Variants in CAB39 observed in about 807,000 individuals in gnomAD.
CAB39 encodes the protein calcium binding protein 39.
In CAB39, 8 loss-of-function variants were observed where a neutral mutation model predicts 40.0. The ratio of observed to expected loss-of-function variants is 0.20; its 90% CI spans 0.12 to 0.36. The LOEUF is 0.36. CAB39 is among the 10% of genes least tolerant of loss of function. CAB39 has a pLI of 1.00. For synonymous variants in CAB39, 156 were observed against 141.6 expected (o/e 1.10, Z -0.72); for missense variants, 270 against 401.1 (o/e 0.67, Z 2.79).
chr2:230,803,058 C>T (rs183777386), intron 5 of CAB39, among the ~76,000 whole-genome samples: 1 of 152,252 alleles, frequency 6.6e-6, no homozygotes, highest in South Asian at 2.1e-4. Context: ...GTATCCACCA[C>T]GATCAAGTGG....
intron 2 of CAB39, chr2:230,778,893 A>G (rs1240994626): frequency 6.6e-6 from 1 of 152,056 alleles, no homozygotes; most frequent in African/African-American, 2.4e-5. Flanking sequence ...TACAGCAAAA[A>G]TATGGTATTG....
At chr2:230,763,455 G>A (rs1033635018) in intron 2 of CAB39, among the ~76,000 whole-genome samples, 5 of 152,066 alleles carry the variant, frequency 3.3e-5, no homozygotes, top group Admixed American at 2.6e-4. Context: ...AGCCAGGCAC[G>A]GTGGCACACG....
intron 1 of CAB39, among the ~76,000 whole-genome samples, chr2:230,748,831 A>AAAAAAATATATATAT (rs1386799920): frequency 3.9e-4 from 11 of 28,506 alleles, no homozygotes; most frequent in Admixed American, 1.3e-3. Context: ...AAAAAAAAAA[A>AAAAAAATATATATAT]ATATATATAT....
At chr2:230,714,949 A>T (rs545731933) in intron 1 of CAB39, among the ~76,000 whole-genome samples, 2 of 152,358 alleles carry the variant, frequency 1.3e-5, no homozygotes, top group African/African-American at 4.8e-5. Context: ...CTGCTTTTCA[A>T]AATAATACAT....
rs1203718115 is a variant in CAB39 at position 230,818,552 on chromosome 2, C to T, written c.874C>T (p.Leu292=). 2 of 1,614,136 alleles carry T rather than the reference C, an allele frequency of 1.2e-6. No individual in the cohort carries two copies. Among genetic ancestry groups the T allele is most frequent in the Admixed American group, 1.7e-5 (1 of 60,018 alleles). ...VANPNKTQPI[L]DILLKNQAKL... ...CAATCCTAACAAGACGCAGCCCATC[C>T]TAGACATCCTCCTCAAGAACCAGGC... The change falls in exon 9 of 9, where the codon CTA becomes TTA. Residue 292 remains leucine (L), a synonymous_variant. Coordinates refer to ENST00000258418, the MANE Select transcript of CAB39 (RefSeq NM_016289.4).
At chr2:230,759,392 C>G (rs1314007149) in intron 1 of CAB39, among the ~76,000 whole-genome samples, 2 of 152,344 alleles carry the variant, frequency 1.3e-5, no homozygotes, top group Middle Eastern at 3.4e-3. Context: ...TTTGGCTAAA[C>G]ACCCTACCTA....
At chr2:230,738,885 ATAGT>A (rs1694830095) in intron 1 of CAB39, among the ~76,000 whole-genome samples, 1 of 152,238 alleles carries the variant, frequency 6.6e-6, no homozygotes, top group South Asian at 2.1e-4. Context: ...TTTTTTCAGA[ATAGT>A]TATTCATTGG....
chr2:230,732,717 T>C lies in CAB39; in HGVS notation c.-44+19487T>C, dbSNP rs75000282. ...GGGAATGAGATCAGTTAGATCAGCC[T>C]GTTCTGATTATTCAGCAATGAGAGC... On this transcript the variant is annotated intron_variant, in intron 1 of 8. Coordinates refer to ENST00000258418, the MANE Select transcript of CAB39 (RefSeq NM_016289.4). Among the ~76,000 whole-genome samples the C allele has an allele frequency of 7.3e-3, 1,110 of 152,308 alleles. 18 individuals are homozygous for C. The highest frequency in any genetic ancestry group is 0.025 in the African/African-American group (1,036 of 41,560).
intron 2 of CAB39, among the ~76,000 whole-genome samples, chr2:230,772,905 G>A (rs931649956): frequency 6.6e-6 from 1 of 150,652 alleles, no homozygotes; most frequent in Non-Finnish European, 1.5e-5. Context: ...TGTTCATAGC[G>A]GCCTTATTTG....
chr2:230,797,359 C>G (rs1696003601), intron 4 of CAB39, among the ~76,000 whole-genome samples: 1 of 152,034 alleles, frequency 6.6e-6, no homozygotes, highest in African/African-American at 2.4e-5. Context: ...TGATTCAACC[C>G]CACAGTCACA....
chr2:230,811,982 A>G (rs77003270), intron 6 of CAB39, among the ~76,000 whole-genome samples: 3,123 of 152,356 alleles, frequency 0.02, 95 homozygotes, highest in African/African-American at 0.071. Flanking sequence ...AAGCAGTCAG[A>G]TCTTATAGAG....
chr2:230,736,966 G>A (rs950691442), intron 1 of CAB39, among the ~76,000 whole-genome samples: 4 of 152,032 alleles, frequency 2.6e-5, no homozygotes, highest in Non-Finnish European at 5.9e-5. Flanking sequence ...TCTGGTAGCT[G>A]CTCTGGCTTT....
At chr2:230,761,473 C>T (rs1055022057) in intron 2 of CAB39, among the ~76,000 whole-genome samples, 1 of 151,996 alleles carries the variant, frequency 6.6e-6, no homozygotes, top group African/African-American at 2.4e-5. Context: ...AACTAAGCAG[C>T]ATAGTTGTTG....
chr2:230,808,011 T>G (rs75470534), intron 5 of CAB39, among the ~76,000 whole-genome samples: 2,095 of 152,306 alleles, frequency 0.014, 48 homozygotes, highest in African/African-American at 0.046. Context: ...TCATTTGTTA[T>G]TCACCAAGAT....
chr2:230,780,938 C>A (rs1695675760), intron 2 of CAB39, among the ~76,000 whole-genome samples: 1 of 151,956 alleles, frequency 6.6e-6, no homozygotes, highest in South Asian at 2.1e-4. Context: ...AAAACGTGGT[C>A]AGACATGGTG....
Position 230,810,201 on chromosome 2 carries a change from T to C in CAB39, c.568-62T>C, listed in dbSNP as rs1004006182. The C allele has an allele frequency of 1.8e-5, 13 of 735,006 alleles. No individual in the cohort carries two copies. In the Admixed American group the frequency reaches 3.6e-4, roughly 20 times the overall value. The allele number at this position is 735,006 out of a possible 1,614,324, so 45.5% of individuals were successfully genotyped here. A position where few individuals can be genotyped will look rare whatever the true frequency, so the allele number is the denominator to read the frequency against. On this transcript the variant is annotated intron_variant, in intron 5 of 8. Coordinates refer to ENST00000258418, the MANE Select transcript of CAB39 (RefSeq NM_016289.4). ...TTATTAGGTAAAATGGTGTGGAATT[T>C]AGGATTCGCTTTTTTGAAAACTTGG... is the stretch of plus-strand genomic sequence containing the variant.
intron 1 of CAB39, among the ~76,000 whole-genome samples, chr2:230,753,743 C>CAAAAAA (rs60868418): frequency 1.2e-5 from 1 of 85,520 alleles, no homozygotes; most frequent in African/African-American, 3.8e-5. Context: ...GACTCCATCT[C>CAAAAAA]AAAAAAAAAA....
chr2:230,811,127 C>A (rs1696296865), intron 6 of CAB39, among the ~76,000 whole-genome samples: 1 of 152,186 alleles, frequency 6.6e-6, no homozygotes, highest in South Asian at 2.1e-4. Context: ...AGAAGAATGA[C>A]AATCCACTTA....
intron 6 of CAB39, 108 bp from the exon 7 acceptor site, chr2:230,813,941 T>G: frequency 1.7e-6 from 1 of 578,608 alleles, no homozygotes; most frequent in Non-Finnish European, 2.9e-6. Context: ...GTGTGAGAAA[T>G]GTGTCCTTAA....
Sources: allele counts gnomAD v4.1 joint callset (sites outside exome capture counted in the v4.1 genomes callset), GRCh38; gene constraint gnomAD v4.1.1; transcripts MANE v1.5; gene names NCBI Gene and HGNC (gene_info 2026-07-23, HGNC 2026-07-21).